SLC25A36: variants seen among roughly 807,000 people sequenced by gnomAD.
The protein encoded by SLC25A36 is epididymis secretory sperm binding protein.
In SLC25A36, 24 loss-of-function variants were observed where a neutral mutation model predicts 35.3. The ratio of observed to expected loss-of-function variants is 0.68; its 90% CI spans 0.49 to 0.96. SLC25A36 has a LOEUF of 0.96. Among genes scored for constraint, SLC25A36 ranks in the 40% least tolerant of loss-of-function variants. SLC25A36 has a pLI of 0.00. For missense variants in SLC25A36, 294 were observed against 381.1 expected, an observed-to-expected ratio of 0.77 and a Z score of 1.90; for synonymous variants, 141 against 132.2, an observed-to-expected ratio of 1.07 and a Z score of -0.46.
chr3:140,974,810 G>A (rs1000216906), intron 6 of SLC25A36, among the ~76,000 whole-genome samples: 4 of 152,092 alleles, frequency 2.6e-5, no homozygotes, highest in Non-Finnish European at 2.9e-5. Context: ...AATGAGCCAG[G>A]CCTAGAAAAT....
chr3:140,942,381 T>G, intron 1 of SLC25A36: 1 of 302,688 alleles, frequency 3.3e-6, no homozygotes, highest in Non-Finnish European at 6.1e-6. Context: ...GGAGTGAGGT[T>G]TTGGGCCCGC....
chr3:140,951,247 A>T (rs1447696111), intron 1 of SLC25A36, among the ~76,000 whole-genome samples: 1 of 152,166 alleles, frequency 6.6e-6, no homozygotes, highest in African/African-American at 2.4e-5. Flanking sequence ...TGACATGGAG[A>T]AAAGATAAAT....
intron 1 of SLC25A36, among the ~76,000 whole-genome samples, chr3:140,950,918 C>CTGTGTGTCTGTGTG (rs1553726051): frequency 2.9e-5 from 4 of 136,376 alleles, no homozygotes; most frequent in African/African-American, 1.1e-4. Flanking sequence ...GTCTGTGTGT[C>CTGTGTGTCTGTGTG]TGTGTGTGTG....
chr3:140,959,143 G>A (rs1360857787), intron 2 of SLC25A36, among the ~76,000 whole-genome samples: 1 of 151,518 alleles, frequency 6.6e-6, no homozygotes, highest in Non-Finnish European at 1.5e-5. Flanking sequence ...AGCCTCCTGA[G>A]TAGCTGTGAT....
intron 2 of SLC25A36, 71 bp downstream of exon 2, chr3:140,956,762 A>G (rs889580776): frequency 6.8e-7 from 1 of 1,460,252 alleles, no homozygotes; most frequent in Non-Finnish European, 9.1e-7. Flanking sequence ...TTGTTTACTT[A>G]TATTCTGCCA....
chr3:140,953,688 G>A (rs1934393707), intron 1 of SLC25A36, among the ~76,000 whole-genome samples: 1 of 152,114 alleles, frequency 6.6e-6, no homozygotes, highest in Non-Finnish European at 1.5e-5. Flanking sequence ...TGGGCCTAGT[G>A]GTTCATGCTT....
intron 4 of SLC25A36, chr3:140,964,798 G>T (rs1396304992): frequency 6.6e-6 from 1 of 151,860 alleles, no homozygotes; most frequent in African/African-American, 2.4e-5. Context: ...TATAGCAAAT[G>T]CAGAGGTTCA....
rs1025002276 is a variant in SLC25A36, at chr3:140,976,889, G to A, written c.*436G>A. ...AAATAACAGCAATGACAATGAGATC[G>A]TCAGTATTATTTTCACATTTCCCTG... On this transcript the variant is annotated 3_prime_UTR_variant, in exon 7 of 7. Coordinates refer to ENST00000324194, the MANE Select transcript of SLC25A36 (RefSeq NM_001104647.3). The A allele has an allele frequency of 1.3e-5, 2 of 152,460 alleles. No individual in the cohort carries two copies. Among genetic ancestry groups the A allele is most frequent in the African/African-American group, 2.4e-5 (1 of 41,422 alleles). The allele number at this position is 152,460 out of a possible 1,614,324, so 9.4% of individuals were successfully genotyped here. A position where few individuals can be genotyped will look rare whatever the true frequency, so the allele number is the denominator to read the frequency against.
Position 140,979,909 on chromosome 3 carries a change from A to C in SLC25A36, c.*3456A>C, listed in dbSNP as rs1430583204. The C allele has an allele frequency of 6.6e-6, 1 of 152,204 alleles. No homozygotes were observed. Among genetic ancestry groups the C allele is most frequent in the African/African-American group, 2.4e-5 (1 of 41,462 alleles). The allele number at this position is 152,204 out of a possible 1,614,324, so 9.4% of individuals were successfully genotyped here. A position where few individuals can be genotyped will look rare whatever the true frequency, so the allele number is the denominator to read the frequency against. On this transcript the variant is annotated 3_prime_UTR_variant, in exon 7 of 7. Transcript: ENST00000324194. ...AGCTGACTTTTACTTGAATTGTTCAAATTTTAAAAATTAAAATACGCTCAT... is the reference window on the plus strand; with the variant it reads ...AGCTGACTTTTACTTGAATTGTTCACATTTTAAAAATTAAAATACGCTCAT...
intron 1 of SLC25A36, among the ~76,000 whole-genome samples, chr3:140,951,810 TTTTTAA>T (rs1024781429): frequency 5.1e-4 from 77 of 152,076 alleles, no homozygotes; most frequent in African/African-American, 1.8e-3. Context: ...TTTTTGTTGT[TTTTTAA>T]TTTTGTTTTG....
chr3:140,942,583 G>A (rs1376140602), intron 1 of SLC25A36: 1 of 153,010 alleles, frequency 6.5e-6, no homozygotes, highest in Non-Finnish European at 1.5e-5. Context: ...CAAGGGGACG[G>A]GGCGGAAAGT....
At chr3:140,943,946 G>A (rs1934094205) in intron 1 of SLC25A36, among the ~76,000 whole-genome samples, 2 of 151,160 alleles carry the variant, frequency 1.3e-5, no homozygotes, top group African/African-American at 4.9e-5. Context: ...CAGATTAGGA[G>A]CTCCATCCCC....
intron 6 of SLC25A36, among the ~76,000 whole-genome samples, chr3:140,975,344 C>T (rs1269316325): frequency 3.3e-5 from 5 of 151,712 alleles, no homozygotes; most frequent in African/African-American, 9.7e-5. Flanking sequence ...TGGGCTCAAG[C>T]GATTCTCCCA....
chr3:140,948,760 A>G (rs2107782340), intron 1 of SLC25A36, among the ~76,000 whole-genome samples: 1 of 152,336 alleles, frequency 6.6e-6, no homozygotes, highest in Non-Finnish European at 1.5e-5. Flanking sequence ...ACATATATCT[A>G]ACAGTGCCTT....
chr3:140,952,140 C>T (rs748445937), intron 1 of SLC25A36, among the ~76,000 whole-genome samples: 7 of 152,064 alleles, frequency 4.6e-5, no homozygotes, highest in Middle Eastern at 3.4e-3. Context: ...CCTCAGCCTC[C>T]GGAGTAGCTG....
chr3:140,977,423 T>C lies in SLC25A36; in HGVS notation c.*970T>C, dbSNP rs1267925441. 6.6e-6 allele frequency: 1 copy of C among 152,158 alleles called. No individual in the cohort carries two copies. The highest frequency in any genetic ancestry group is 2.4e-5 in the African/African-American group (1 of 41,448). The allele number at this position is 152,158 out of a possible 1,614,324, so 9.4% of individuals were successfully genotyped here. A position where few individuals can be genotyped will look rare whatever the true frequency, so the allele number is the denominator to read the frequency against. ...GTAAAGAAAATAGTAATTTAAAGTTTTGCCATTTTAAGGTGACAATATTTG... is the reference window on the plus strand; with the variant it reads ...GTAAAGAAAATAGTAATTTAAAGTTCTGCCATTTTAAGGTGACAATATTTG... On this transcript the variant is annotated 3_prime_UTR_variant, in exon 7 of 7. Coordinates refer to ENST00000324194, the MANE Select transcript of SLC25A36 (RefSeq NM_001104647.3).
At chr3:140,963,983 A>AT (rs1324066765) in intron 4 of SLC25A36, 1 of 151,868 alleles carries the variant, frequency 6.6e-6, no homozygotes, top group Non-Finnish European at 1.5e-5. Flanking sequence ...ACGAACTTTG[A>AT]TTTTCCATTG....
chr3:140,975,843 G>A (rs183267068), intron 6 of SLC25A36, among the ~76,000 whole-genome samples: 45 of 152,238 alleles, frequency 3.0e-4, no homozygotes, highest in African/African-American at 9.6e-4. Flanking sequence ...GATTAATAAT[G>A]CTATTGTTTC....
chr3:140,976,511 G>A lies in SLC25A36; in HGVS notation c.*58G>A. 1 of 1,446,220 alleles carries A rather than the reference G, an allele frequency of 6.9e-7. No homozygotes were observed. Among genetic ancestry groups the A allele is most frequent in the Non-Finnish European group, 9.3e-7 (1 of 1,074,322 alleles). The allele number at this position is 1,446,220 out of a possible 1,614,324, so 89.6% of individuals were successfully genotyped here. A position where few individuals can be genotyped will look rare whatever the true frequency, so the allele number is the denominator to read the frequency against. ...AGACCAAAAGATTACAGTGGACCAT[G>A]GGATACAGAAGCCAGCATGGCAGAC... On this transcript the variant is annotated 3_prime_UTR_variant, in exon 7 of 7. Coordinates refer to ENST00000324194, the MANE Select transcript of SLC25A36 (RefSeq NM_001104647.3).
Sources: gnomAD v4.1 joint callset for allele counts (sites outside exome capture counted in the v4.1 genomes callset) on GRCh38, gnomAD v4.1.1 for gene constraint, MANE v1.5 for transcripts, NCBI Gene and HGNC (gene_info 2026-07-23, HGNC 2026-07-21) for gene names.